The following VDR variants were observed in gnomAD, a reference collection of about 807,000 sequenced individuals.
VDR encodes the protein vitamin D3 receptor.
Under a neutral mutation model 39.7 loss-of-function variants are expected in VDR, and 19 were observed. That is an observed-to-expected ratio of 0.48 (90% CI 0.33 to 0.70). The LOEUF (loss-of-function observed/expected upper bound fraction) is 0.70. Ranked by LOEUF, VDR falls within the 30% of genes least tolerant of loss-of-function variation. The probability of loss-of-function intolerance (pLI) is 0.02; values close to 1 mark genes in which losing one functional copy is unlikely to be tolerated. For missense variants in VDR, 442 were observed against 570.5 expected, an observed-to-expected ratio of 0.77 and a Z score of 2.29; for synonymous variants, 242 against 215.8, an observed-to-expected ratio of 1.12 and a Z score of -1.07.
rs1167361058 is a variant in VDR at position 47,844,687 on chromosome 12, G to A, written c.*59C>T. 6.2e-7 allele frequency: 1 copy of A among 1,610,188 alleles called. No homozygotes were observed. The highest frequency in any genetic ancestry group is 8.5e-7 in the Non-Finnish European group (1 of 1,178,938). Reference sequence around the variant, plus strand: ...GCTGCTGAGTAGCCGCCAGCCCCGGGCCTGGCACGTGGCCCTGGAGGAGCA... The same window carrying A: ...GCTGCTGAGTAGCCGCCAGCCCCGGACCTGGCACGTGGCCCTGGAGGAGCA... On this transcript the variant is annotated 3_prime_UTR_variant, in exon 10 of 10. Coordinates refer to ENST00000549336, the MANE Select transcript of VDR (RefSeq NM_000376.3).
Position 47,865,274 on chromosome 12 carries a change from T to C in VDR, c.147-97A>G, listed in dbSNP as rs529794948. The C allele has an allele frequency of 1.6e-4, 254 of 1,579,000 alleles. 3 individuals are homozygous for C. In the South Asian group the frequency reaches 2.3e-3, roughly 14 times the overall value. On this transcript the variant is annotated intron_variant, in intron 3 of 9. Coordinates refer to ENST00000549336, the MANE Select transcript of VDR (RefSeq NM_000376.3). ...TGTCTTCTGGGCCCCCTGGTCTCCATTTCTCCAACAGAAGACATGAGGCCC... is the reference window on the plus strand; with the variant it reads ...TGTCTTCTGGGCCCCCTGGTCTCCACTTCTCCAACAGAAGACATGAGGCCC...
At chr12:47,880,380 A>G (rs1946121630) in intron 2 of VDR, among the ~76,000 whole-genome samples, 1 of 152,160 alleles carries the variant, frequency 6.6e-6, no homozygotes, top group South Asian at 2.1e-4. Flanking sequence ...AAGCTCATTA[A>G]GTCTTATTTC....
In VDR at chr12:47,845,119, A is replaced by AC. The variant is rs1945255158; in HGVS notation, c.1025-115dup. 6.0e-6 allele frequency: 9 copies of AC among 1,510,084 alleles called. No individual in the cohort carries two copies. The East Asian group carries it at 1.6e-4, about 27-fold the overall frequency. The allele number at this position is 1,510,084 out of a possible 1,614,324, so 93.5% of individuals were successfully genotyped here. A position where few individuals can be genotyped will look rare whatever the true frequency, so the allele number is the denominator to read the frequency against. On this transcript the variant is annotated intron_variant, in intron 9 of 9. Coordinates refer to ENST00000549336, the MANE Select transcript of VDR (RefSeq NM_000376.3). Reference sequence around the variant, plus strand: ...ACTCAACGGCAGCACCCCCTAGGCCACCCCTCTATGACTGCTGACCGGTGA... The same window carrying AC: ...ACTCAACGGCAGCACCCCCTAGGCCACCCCCTCTATGACTGCTGACCGGTGA...
In VDR at chr12:47,867,834, A is replaced by T. The variant is rs114517933; in HGVS notation, c.147-2657T>A. ...CTTGGTAAAACATGACTCACTGTTC[A>T]CATTCACTAGAACATACATGGGGTT... On this transcript the variant is annotated intron_variant, in intron 3 of 9. Transcript: ENST00000549336. Among the ~76,000 whole-genome samples the T allele has an allele frequency of 9.1e-3, 1,380 of 152,310 alleles. 20 individuals are homozygous for T. The highest frequency in any genetic ancestry group is 0.032 in the African/African-American group (1,315 of 41,558).
intron 1 of VDR, 176 bp downstream of exon 1, chr12:47,904,779 G>A (rs910351884): frequency 1.1e-5 from 8 of 712,282 alleles, no homozygotes; most frequent in Non-Finnish European, 1.6e-5. Context: ...TCAAACCTCA[G>A]TGCCCCTTAG....
chr12:47,879,196 C>T, intron 2 of VDR, 81 bp from the exon 3 acceptor site: 2 of 1,518,402 alleles, frequency 1.3e-6, no homozygotes, highest in Non-Finnish European at 8.8e-7. Flanking sequence ...CACCCACCCC[C>T]AGCCTCATCC....
At chr12:47,847,322 A>G (rs186887271) in intron 7 of VDR, among the ~76,000 whole-genome samples, 6 of 151,886 alleles carry the variant, frequency 4.0e-5, no homozygotes, top group East Asian at 1.9e-4. Flanking sequence ...GTCTTTTCCA[A>G]TAGCCTCTTA....
At chr12:47,860,500 T>A (rs1565615809) in intron 4 of VDR, among the ~76,000 whole-genome samples, 1 of 152,216 alleles carries the variant, frequency 6.6e-6, no homozygotes. Flanking sequence ...AAAGCTGACC[T>A]CTTTTATTGA....
chr12:47,904,730 G>C, intron 1 of VDR: 1 of 1,235,884 alleles, frequency 8.1e-7, no homozygotes, highest in Non-Finnish European at 1.1e-6. Flanking sequence ...CGAGGATGTC[G>C]CTGCTCCCCT....
Position 47,859,864 on chromosome 12 carries a change from T to TC in VDR, c.278-2177dup, listed in dbSNP as rs1354514266. Reference sequence around the variant, plus strand: ...TCCCTTCCTTCCTTCCTTCCTTCCTTCTTTCCTTCCTTCCTTCCTTCCTTC... The same window carrying TC: ...TCCCTTCCTTCCTTCCTTCCTTCCTTCCTTTCCTTCCTTCCTTCCTTCCTTC... On this transcript the variant is annotated intron_variant, in intron 4 of 9. Transcript: ENST00000549336. Among the ~76,000 whole-genome samples the TC allele has an allele frequency of 2.0e-4, 8 of 39,764 alleles. 1 individual carries two copies. The highest frequency in any genetic ancestry group is 3.5e-4 in the Non-Finnish European group (7 of 20,010). The allele number at this position is 39,764 out of a possible 152,430, so 26.1% of individuals were successfully genotyped here.
chr12:47,891,481 T>C (rs931820851), intron 1 of VDR, among the ~76,000 whole-genome samples: 1 of 152,058 alleles, frequency 6.6e-6, no homozygotes, highest in Non-Finnish European at 1.5e-5. Context: ...TCCCAAAAGC[T>C]CCACCCCAAA....
chr12:47,855,563 C>T (rs1278183854), intron 7 of VDR, 67 bp downstream of exon 7: 6 of 1,585,366 alleles, frequency 3.8e-6, no homozygotes, highest in Non-Finnish European at 5.2e-6. Flanking sequence ...TGAGTGATCT[C>T]CAACCCTTCT....
chr12:47,878,464 C>G (rs1233708040), intron 3 of VDR, among the ~76,000 whole-genome samples: 2 of 152,180 alleles, frequency 1.3e-5, no homozygotes, highest in African/African-American at 4.8e-5. Flanking sequence ...GCTTTCAGAC[C>G]AGGACAAACA....
chr12:47,898,990 G>A (rs566706440), intron 1 of VDR, among the ~76,000 whole-genome samples: 1 of 152,294 alleles, frequency 6.6e-6, no homozygotes, highest in Admixed American at 6.5e-5. Flanking sequence ...GGTAGGTACA[G>A]GGTATAGGAT....
chr12:47,882,618 C>T, intron 2 of VDR, 76 bp downstream of exon 2: 10 of 663,618 alleles, frequency 1.5e-5, no homozygotes, highest in Non-Finnish European at 2.6e-5. Flanking sequence ...CCACCACCTT[C>T]TTATGCCCCT....
chr12:47,869,339 A>G (rs1377488438), intron 3 of VDR, among the ~76,000 whole-genome samples: 2 of 151,754 alleles, frequency 1.3e-5, no homozygotes, highest in East Asian at 3.9e-4. Flanking sequence ...GATCGAGACC[A>G]TTGTGGCTAA....
intron 1 of VDR, among the ~76,000 whole-genome samples, chr12:47,895,883 C>A (rs1191569382): frequency 6.6e-6 from 1 of 152,248 alleles, no homozygotes; most frequent in Non-Finnish European, 1.5e-5. Context: ...CATCAACCAG[C>A]GTGTGCTCTC....
At chr12:47,870,059 C>T (rs752008585) in intron 3 of VDR, among the ~76,000 whole-genome samples, 2 of 152,196 alleles carry the variant, frequency 1.3e-5, no homozygotes, top group Non-Finnish European at 2.9e-5. Context: ...AGAAAGTTTG[C>T]TCCCCAGCTC....
chr12:47,892,931 G>C (rs375637978), intron 1 of VDR, among the ~76,000 whole-genome samples: 11 of 152,332 alleles, frequency 7.2e-5, no homozygotes, highest in African/African-American at 2.4e-4. Context: ...GGTAAGAGGC[G>C]TAAGGAGCAC....
Sources: allele counts gnomAD v4.1 joint callset (sites outside exome capture counted in the v4.1 genomes callset), GRCh38; gene constraint gnomAD v4.1.1; transcripts MANE v1.5; gene names NCBI Gene and HGNC (gene_info 2026-07-23, HGNC 2026-07-21).